DOP1A: variants seen among roughly 807,000 people sequenced by gnomAD.
DOP1A encodes the protein DOP1 leucine zipper like protein A, also known as protein DOP1A.
A neutral mutation model predicts 267.6 loss-of-function variants in DOP1A; 90 were observed. The observed-to-expected ratio is 0.34, with a 90% CI of 0.28 to 0.40. DOP1A has a LOEUF of 0.40. Among genes scored for constraint, DOP1A ranks in the 10% least tolerant of loss-of-function variants. DOP1A has a pLI of 1.00. For synonymous variants in DOP1A, 932 were observed against 999.1 expected (o/e 0.93, Z 1.27); for missense variants, 2,437 against 2,900.4 (o/e 0.84, Z 3.67).
intron 1 of DOP1A, among the ~76,000 whole-genome samples, chr6:83,071,412 G>C (rs946887314): frequency 2.6e-5 from 4 of 152,024 alleles, no homozygotes; most frequent in Non-Finnish European, 4.4e-5. Context: ...TCGCCATGTT[G>C]GTCACGCTGG....
In DOP1A at chr6:83,119,846, T is replaced by C. The variant is rs775284736; in HGVS notation, c.979T>C (p.Leu327=). The change falls in exon 9 of 39, where the codon TTA becomes CTA. Residue 327 remains leucine (L), a synonymous_variant. Coordinates refer to ENST00000349129, the MANE Select transcript of DOP1A (RefSeq NM_015018.4). ...CTATTTCACTACCTTTTCAAAAGAA[T>C]TATTAGTCCAGGTAATGAATACTTT... ...TYYFTTFSKE[L]LVQAMVGILQ... 17 of 1,610,810 alleles carry C rather than the reference T, an allele frequency of 1.1e-5. No individual in the cohort carries two copies. In the South Asian group the frequency reaches 1.8e-4, roughly 17 times the overall value.
At chr6:83,130,023 C>T (rs1382576305) in intron 16 of DOP1A, 100 bp from the exon 17 acceptor site, 1 of 1,418,816 alleles carries the variant, frequency 7.0e-7, no homozygotes, top group Non-Finnish European at 9.5e-7. Context: ...CAGATCAAGG[C>T]CTTAAAAGTA....
intron 1 of DOP1A, among the ~76,000 whole-genome samples, chr6:83,092,067 A>T (rs1306710962): frequency 1.3e-5 from 2 of 152,162 alleles, no homozygotes; most frequent in Non-Finnish European, 2.9e-5. Context: ...CTGTTTTATT[A>T]GCTATCAGAG....
rs376322317 is a variant in DOP1A at position 83,149,940 on chromosome 6, A to G, written c.5837+1077A>G. On this transcript the variant is annotated intron_variant, in intron 27 of 38. Coordinates refer to ENST00000349129, the MANE Select transcript of DOP1A (RefSeq NM_015018.4). ...AAGGCTATGTTTGTTGACAATCTGG[A>G]CAGGCATCCTAATTGTCCAATCACC... is the stretch of plus-strand genomic sequence containing the variant. Among the ~76,000 whole-genome samples the G allele has an allele frequency of 9.8e-5, 15 of 152,366 alleles. No individual in the cohort carries two copies. The East Asian group carries it at 2.5e-3, about 25-fold the overall frequency.
intron 23 of DOP1A, 100 bp from the exon 24 acceptor site, chr6:83,141,820 TA>T: frequency 8.4e-7 from 1 of 1,185,314 alleles, no homozygotes; most frequent in Non-Finnish European, 1.2e-6. Flanking sequence ...GTAAAACCTA[TA>T]AGTACTATAT....
chr6:83,147,173 C>A, intron 25 of DOP1A, 63 bp from the exon 26 acceptor site: 1 of 811,376 alleles, frequency 1.2e-6, no homozygotes, highest in Non-Finnish European at 1.9e-6. Flanking sequence ...AGAGTAGTTG[C>A]AACAATGAAA....
At chr6:83,125,437 T>G in intron 14 of DOP1A, 63 bp from the exon 15 acceptor site, 3 of 1,464,838 alleles carry the variant, frequency 2.0e-6, no homozygotes, top group Non-Finnish European at 2.8e-6. Context: ...TTATATAGAT[T>G]AAAAAATGTA....
At chr6:83,119,061 G>C (rs1775920702) in intron 8 of DOP1A, 74 bp downstream of exon 8, 1 of 1,278,732 alleles carries the variant, frequency 7.8e-7, no homozygotes, top group African/African-American at 1.5e-5. Context: ...GTATTACCAA[G>C]TTGTATGTAT....
intron 30 of DOP1A, 54 bp from the exon 31 acceptor site, chr6:83,153,457 G>A: frequency 2.6e-6 from 3 of 1,160,804 alleles, no homozygotes; most frequent in Non-Finnish European, 2.5e-6. Flanking sequence ...CAGTACCTTG[G>A]GATGATGTCA....
chr6:83,153,895 G>A lies in DOP1A; in HGVS notation c.6241G>A (p.Ala2081Thr). 2 of 1,609,994 alleles carry A rather than the reference G, an allele frequency of 1.2e-6. No individual in the cohort carries two copies. Among genetic ancestry groups the A allele is most frequent in the Non-Finnish European group, 1.7e-6 (2 of 1,178,954 alleles). ...YVVPYLRNHS[A>T]HNAPSYRACV... ...TAAGGTGGTTTTTCTTCCTTGTAGT[G>A]CACATAATGCCCCTAGTTATCGAGC... is the stretch of plus-strand genomic sequence containing the variant. The change falls in exon 32 of 39, where the codon GCA becomes ACA. Residue 2081 changes from alanine (A) to threonine (T), a missense_variant and splice_region_variant. Ala to Thr is a moderately conservative substitution (Grantham distance 58, BLOSUM62 0). Coordinates refer to ENST00000349129, the MANE Select transcript of DOP1A (RefSeq NM_015018.4).
chr6:83,169,420 T>C (rs1786594518), downstream of DOP1A: 7 of 1,381,284 alleles, frequency 5.1e-6, no homozygotes, highest in South Asian at 1.3e-5. Context: ...AAGAGAGGGG[T>C]GATTCTTGAT....
chr6:83,068,772 T>C (rs929050151), intron 1 of DOP1A, among the ~76,000 whole-genome samples: 1 of 152,230 alleles, frequency 6.6e-6, no homozygotes, highest in African/African-American at 2.4e-5. Flanking sequence ...CACCACCTGA[T>C]AGATAACACA....
intron 7 of DOP1A, among the ~76,000 whole-genome samples, chr6:83,117,938 G>C (rs765764960): frequency 1.7e-4 from 26 of 152,132 alleles, no homozygotes; most frequent in Admixed American, 3.3e-4. Context: ...AATGAGCTGG[G>C]TAAATCCTTT....
chr6:83,083,055 G>A (rs1048693236), intron 1 of DOP1A, among the ~76,000 whole-genome samples: 1 of 151,966 alleles, frequency 6.6e-6, no homozygotes, highest in Non-Finnish European at 1.5e-5. Context: ...TGATCCACCC[G>A]CCTCAGCCTC....
intron 1 of DOP1A, among the ~76,000 whole-genome samples, chr6:83,090,298 CA>C (rs1439688406): frequency 4.6e-5 from 7 of 152,176 alleles, no homozygotes; most frequent in Non-Finnish European, 1.0e-4. Context: ...TGCCCAAGGT[CA>C]TACAGCTGCT....
intron 7 of DOP1A, among the ~76,000 whole-genome samples, chr6:83,115,171 T>C (rs1482213163): frequency 1.3e-5 from 2 of 152,206 alleles, no homozygotes; most frequent in Admixed American, 1.3e-4. Context: ...CTGTAGTACT[T>C]ACACCTTTGA....
At chr6:83,071,713 T>TA (rs931203951) in intron 1 of DOP1A, among the ~76,000 whole-genome samples, 2 of 152,118 alleles carry the variant, frequency 1.3e-5, no homozygotes, top group Non-Finnish European at 1.5e-5. Flanking sequence ...AAAAATATAG[T>TA]AAAAAAAGTT....
chr6:83,160,711 T>C (rs188358690), intron 37 of DOP1A, among the ~76,000 whole-genome samples: 1 of 152,282 alleles, frequency 6.6e-6, no homozygotes, highest in East Asian at 1.9e-4. Context: ...TAAGATTGTT[T>C]TATCAAAATG....
At chr6:83,149,512 A>T (rs1156816686) in intron 27 of DOP1A, among the ~76,000 whole-genome samples, 3 of 152,194 alleles carry the variant, frequency 2.0e-5, no homozygotes, top group Admixed American at 6.5e-5. Context: ...AGCAGGGCAC[A>T]GGCAGTGGTA....
Sources: allele counts gnomAD v4.1 joint callset (sites outside exome capture counted in the v4.1 genomes callset), GRCh38; gene constraint gnomAD v4.1.1; transcripts MANE v1.5; gene names NCBI Gene and HGNC (gene_info 2026-07-23, HGNC 2026-07-21).